The following ITGA11 variants were observed in gnomAD, a reference collection of about 807,000 sequenced individuals.
ITGA11 encodes the protein integrin subunit alpha 11, also known as integrin alpha-11.
Under a neutral mutation model 141.9 loss-of-function variants are expected in ITGA11, and 97 were observed. The observed-to-expected ratio is 0.68, with a 90% CI of 0.58 to 0.81. ITGA11 has a LOEUF of 0.81. Among genes scored for constraint, ITGA11 ranks in the 30% least tolerant of loss-of-function variants. The pLI is 0.00. For missense variants in ITGA11, 1,387 were observed against 1,559.2 expected (o/e 0.89, Z 1.86); for synonymous variants, 658 against 624.6 (o/e 1.05, Z -0.80).
At position 68,343,257 on chromosome 15, in the gene ITGA11, G is replaced by C. The variant is rs569065923; in HGVS notation, c.1132-3613C>G. ...GTAGCATGTGAGAAGTGCTCTGATG[G>C]AGTCAGGGACCGGTTATTTTGGCAG... is the stretch of plus-strand genomic sequence containing the variant. On this transcript the variant is annotated intron_variant, in intron 10 of 29. Transcript: ENST00000315757. Among the ~76,000 whole-genome samples, 35 of 152,264 alleles carry C rather than the reference G, an allele frequency of 2.3e-4. No individual in the cohort carries two copies. The South Asian group carries it at 7.1e-3, about 31-fold the overall frequency.
chr15:68,363,526 G>A (rs188589166), intron 4 of ITGA11, among the ~76,000 whole-genome samples: 10 of 152,240 alleles, frequency 6.6e-5, no homozygotes, highest in Admixed American at 3.9e-4. Context: ...CCCAGTCATC[G>A]TCTTATCTTT....
rs146022446 is a variant in ITGA11 at position 68,348,786 on chromosome 15, G to A, written c.1131+44C>T. The stretch of plus-strand genomic sequence containing the variant: ...CTAGAAAGGGGAAGAGCATGCCCTC[G>A]AGAGACAGAGGCTGGGCTCTGTGCC... On this transcript the variant is annotated intron_variant, in intron 10 of 29. Coordinates refer to ENST00000315757, the MANE Select transcript of ITGA11 (RefSeq NM_001004439.2). 4.0e-4 allele frequency: 618 copies of A among 1,540,106 alleles called. 5 individuals carry two copies. In the East Asian group the frequency reaches 8.8e-3, roughly 22 times the overall value.
In ITGA11 at chr15:68,432,087, G is replaced by T. The variant is rs1405579822; in HGVS notation, c.-21C>A. 3.7e-6 allele frequency: 5 copies of T among 1,366,316 alleles called. No individual in the cohort carries two copies. The African/African-American group carries it at 6.1e-5, about 17-fold the overall frequency. 84.6% of individuals were successfully genotyped at this position (1,366,316 alleles called of 1,614,324 possible). ...TCCATGGCCCGCGGCACGGCGGCTG[G>T]GTCCGGTGTGCAGCGGCGGCGGGGG... On this transcript the variant is annotated 5_prime_UTR_variant, in exon 1 of 30. Transcript: ENST00000315757.
At chr15:68,370,710 G>C (rs1895561764) in intron 2 of ITGA11, among the ~76,000 whole-genome samples, 1 of 152,260 alleles carries the variant, frequency 6.6e-6, no homozygotes, top group Non-Finnish European at 1.5e-5. Flanking sequence ...CCGAGGGATG[G>C]AGAACAGATG....
chr15:68,431,911 C>A, intron 1 of ITGA11, 104 bp downstream of exon 1: 1 of 788,004 alleles, frequency 1.3e-6, no homozygotes, highest in Non-Finnish European at 1.8e-6. Flanking sequence ...TGAGGTCTGA[C>A]CCTGGGAGGA....
At position 68,375,481 on chromosome 15, in the gene ITGA11, T is replaced by C. The variant is rs959477358; in HGVS notation, c.165-6197A>G. 5.3e-5 allele frequency among the ~76,000 whole-genome samples: 8 copies of C among 152,158 alleles called. No homozygotes were observed. In the East Asian group the frequency reaches 1.5e-3, roughly 29 times the overall value. ...GCAGCAAGTCCAAATGCCTGCCCAG[T>C]GGGGACCCCGGGGCTGCCCTGGCTG... On this transcript the variant is annotated intron_variant, in intron 2 of 29. Transcript: ENST00000315757.
chr15:68,303,139 A>G lies in ITGA11; in HGVS notation c.3496-9T>C. ...CTTCTAAAGAAGCCGAGCTGTGAGG[A>G]GGCAAAGGGAGACGTCTCAGAGGAG... On this transcript the variant is annotated splice_polypyrimidine_tract_variant and intron_variant, in intron 29 of 29. Transcript: ENST00000315757. The surrounding 1 kb of genome is among the most constrained non-coding windows in gnomAD (Gnocchi z 5.3). 6.4e-7 allele frequency: 1 copy of G among 1,550,720 alleles called. No individual in the cohort carries two copies. The highest frequency in any genetic ancestry group is 8.7e-7 in the Non-Finnish European group (1 of 1,146,762).
intron 1 of ITGA11, among the ~76,000 whole-genome samples, chr15:68,409,618 T>G (rs1318627166): frequency 6.6e-6 from 1 of 151,724 alleles, no homozygotes; most frequent in Admixed American, 6.5e-5. Context: ...ACTCTACCTA[T>G]CAGTACTACC....
At chr15:68,415,026 C>G (rs1420756892) in intron 1 of ITGA11, among the ~76,000 whole-genome samples, 1 of 152,152 alleles carries the variant, frequency 6.6e-6, no homozygotes, top group Non-Finnish European at 1.5e-5. Context: ...TTTACTCTTG[C>G]AAAAGACCCC....
At position 68,325,915 on chromosome 15, in the gene ITGA11, C is replaced by G. The variant is rs941246969; in HGVS notation, c.2212-674G>C. 3.3e-5 allele frequency among the ~76,000 whole-genome samples: 5 copies of G among 152,230 alleles called. No individual in the cohort carries two copies. The highest frequency in any genetic ancestry group is 5.9e-5 in the Non-Finnish European group (4 of 68,032). On this transcript the variant is annotated intron_variant, in intron 17 of 29. Coordinates refer to ENST00000315757, the MANE Select transcript of ITGA11 (RefSeq NM_001004439.2). The surrounding 1 kb of genome is among the most constrained non-coding windows in gnomAD (Gnocchi z 5.5). ...AGTCCCCTGGGAGCTTGTTAAAACA[C>G]AGGGTGCTGGCGCCAGCCCCAGCCC...
intron 2 of ITGA11, among the ~76,000 whole-genome samples, chr15:68,394,482 T>G (rs752140330): frequency 3.9e-5 from 6 of 152,094 alleles, no homozygotes; most frequent in Admixed American, 2.0e-4. Context: ...TATAGCCTTA[T>G]ATGTATATTT....
At chr15:68,339,222 AG>A (rs1225633000) in intron 11 of ITGA11, among the ~76,000 whole-genome samples, 1 of 152,232 alleles carries the variant, frequency 6.6e-6, no homozygotes, top group Non-Finnish European at 1.5e-5. Flanking sequence ...AGAGTCTAGA[AG>A]CACCAAATGA....
intron 1 of ITGA11, among the ~76,000 whole-genome samples, chr15:68,419,993 C>T (rs1452266100): frequency 6.6e-6 from 1 of 152,198 alleles, no homozygotes; most frequent in East Asian, 1.9e-4. Context: ...GGCTCAGACT[C>T]AGTCTCTCCA....
intron 2 of ITGA11, among the ~76,000 whole-genome samples, chr15:68,374,376 C>T (rs891668103): frequency 2.0e-5 from 1 of 50,242 alleles, no homozygotes; most frequent in African/African-American, 6.3e-5. Flanking sequence ...GAACAGGCCT[C>T]GAGACATCAG....
chr15:68,353,832 A>G (rs1894987613), intron 7 of ITGA11, among the ~76,000 whole-genome samples: 1 of 152,196 alleles, frequency 6.6e-6, no homozygotes, highest in Admixed American at 6.5e-5. Context: ...GGGAAAGCCC[A>G]GATTCTGACA....
intron 1 of ITGA11, among the ~76,000 whole-genome samples, chr15:68,424,496 G>A (rs1897093625): frequency 6.6e-6 from 1 of 152,172 alleles, no homozygotes; most frequent in Admixed American, 6.5e-5. Context: ...GGGCCCCAAT[G>A]TGGAGAGTGA....
In ITGA11 at chr15:68,321,317, TGAG is replaced by T. The variant is rs1893799514; in HGVS notation, c.2408+98_2408+100del. The T allele has an allele frequency of 1.5e-6, 1 of 653,382 alleles. No individual in the cohort carries two copies. Among genetic ancestry groups the T allele is most frequent in the African/African-American group, 1.9e-5 (1 of 51,614 alleles). 40.5% of individuals were successfully genotyped at this position (653,382 alleles called of 1,614,324 possible). A position where few individuals can be genotyped will look rare whatever the true frequency, so the allele number is the denominator to read the frequency against. ...TGCAATGTTTGATCCATGCTGCCTG[TGAG>T]GAGGATGTCCAGGAAATAATCCAGG... On this transcript the variant is annotated intron_variant, in intron 19 of 29. Transcript: ENST00000315757. The surrounding 1 kb of genome is among the most constrained non-coding windows in gnomAD (Gnocchi z 4.9).
At chr15:68,397,327 A>G (rs764939790) in intron 2 of ITGA11, among the ~76,000 whole-genome samples, 1 of 33,778 alleles carries the variant, frequency 3.0e-5, no homozygotes, top group African/African-American at 1.6e-4. Context: ...TATATTATAT[A>G]TTATTTATTA....
intron 1 of ITGA11, among the ~76,000 whole-genome samples, chr15:68,412,887 G>A (rs1314298870): frequency 6.6e-6 from 1 of 151,948 alleles, no homozygotes; most frequent in Non-Finnish European, 1.5e-5. Context: ...TATTGGCCAG[G>A]CTAGTCTTGA....
Sources: gnomAD v4.1 joint callset for allele counts (sites outside exome capture counted in the v4.1 genomes callset) on GRCh38, gnomAD v4.1.1 for gene constraint, Gnocchi (gnomAD v3.1) non-coding constraint, MANE v1.5 for transcripts, NCBI Gene and HGNC (gene_info 2026-07-23, HGNC 2026-07-21) for gene names.